KCNH1: variants seen among roughly 807,000 people sequenced by gnomAD.
KCNH1 encodes the protein potassium voltage-gated channel subfamily H member 1.
In KCNH1, 27 loss-of-function variants were observed where a neutral mutation model predicts 69.2. That is an observed-to-expected ratio of 0.39 (90% CI 0.29 to 0.54). KCNH1 has a LOEUF of 0.54. KCNH1 is among the 20% of genes least tolerant of loss of function. The pLI is 0.68. For missense variants in KCNH1, 798 were observed against 1,261.6 expected (o/e 0.63, Z 5.57); for synonymous variants, 456 against 487.7 (o/e 0.93, Z 0.86).
At chr1:210,788,232 G>A (rs1684138748) in intron 9 of KCNH1, among the ~76,000 whole-genome samples, 1 of 152,172 alleles carries the variant, frequency 6.6e-6, no homozygotes, top group Non-Finnish European at 1.5e-5. Flanking sequence ...CTACTGTCCA[G>A]AAAACTTCAG....
Position 211,055,819 on chromosome 1 carries a change from G to A in KCNH1, c.558+26961C>T, listed in dbSNP as rs78544316. 7.3e-3 allele frequency among the ~76,000 whole-genome samples: 1,115 copies of A among 152,290 alleles called. 5 individuals carry two copies. Among genetic ancestry groups the A allele is most frequent in the African/African-American group, 0.024 (1,005 of 41,556 alleles). On this transcript the variant is annotated intron_variant, in intron 5 of 10. Coordinates refer to ENST00000271751, the MANE Select transcript of KCNH1 (RefSeq NM_172362.3). ...TTCTAGACACACCATGGGCCAGAAG[G>A]GAACCTGATGCCTTGAACAAAAAGA...
chr1:211,106,749 C>G (rs1691355450), intron 2 of KCNH1, among the ~76,000 whole-genome samples: 1 of 152,052 alleles, frequency 6.6e-6, no homozygotes, highest in Non-Finnish European at 1.5e-5. Flanking sequence ...GAGCCAAGAT[C>G]ATGTCACTGT....
chr1:210,960,804 T>C (rs1688278002), intron 6 of KCNH1, among the ~76,000 whole-genome samples: 2 of 152,206 alleles, frequency 1.3e-5, no homozygotes, highest in African/African-American at 4.8e-5. Flanking sequence ...TAGGTATATA[T>C]TTGATTTTTA....
At chr1:210,807,295 A>G (rs1360652031) in intron 7 of KCNH1, among the ~76,000 whole-genome samples, 1 of 152,008 alleles carries the variant, frequency 6.6e-6, no homozygotes, top group African/African-American at 2.4e-5. Context: ...CCTTTATTAT[A>G]ATTATGTCAT....
chr1:211,107,877 G>A (rs1380653704), intron 1 of KCNH1, among the ~76,000 whole-genome samples: 4 of 152,188 alleles, frequency 2.6e-5, no homozygotes, highest in African/African-American at 9.7e-5. Flanking sequence ...CAGAAAGGAG[G>A]CTAAACACTT....
chr1:211,013,296 C>T (rs908796078), intron 6 of KCNH1, among the ~76,000 whole-genome samples: 1 of 152,138 alleles, frequency 6.6e-6, no homozygotes, highest in African/African-American at 2.4e-5. Flanking sequence ...GGCCATTCAC[C>T]CAGGAGAGAT....
At chr1:210,931,607 C>T (rs370994258) in intron 6 of KCNH1, among the ~76,000 whole-genome samples, 1 of 151,942 alleles carries the variant, frequency 6.6e-6, no homozygotes, top group African/African-American at 2.4e-5. Flanking sequence ...TCAGAAATCA[C>T]CACTAAATAA....
intron 10 of KCNH1, among the ~76,000 whole-genome samples, chr1:210,692,052 C>T (rs559723220): frequency 6.6e-6 from 1 of 152,340 alleles, no homozygotes; most frequent in Non-Finnish European, 1.5e-5. Context: ...GGACCTGGTC[C>T]ACTGGCTCTC....
At chr1:210,753,161 T>G (rs1189574206) in intron 10 of KCNH1, among the ~76,000 whole-genome samples, 1 of 152,136 alleles carries the variant, frequency 6.6e-6, no homozygotes, top group African/African-American at 2.4e-5. Context: ...GCCACCAAAT[T>G]TATGATAATC....
intron 10 of KCNH1, among the ~76,000 whole-genome samples, chr1:210,739,995 A>C (rs1386061457): frequency 1.3e-5 from 2 of 152,218 alleles, no homozygotes; most frequent in Non-Finnish European, 2.9e-5. Context: ...CAGAAGCACA[A>C]ACAACAAAAG....
In KCNH1 at chr1:210,947,866, A is replaced by G. The variant is rs553600471; in HGVS notation, c.1033-27797T>C. Among the ~76,000 whole-genome samples, 245 of 152,230 alleles carry G rather than the reference A, an allele frequency of 1.6e-3. 1 individual carries two copies. The highest frequency in any genetic ancestry group is 6.6e-3 in the South Asian group (32 of 4,826). On this transcript the variant is annotated intron_variant, in intron 6 of 10. Coordinates refer to ENST00000271751, the MANE Select transcript of KCNH1 (RefSeq NM_172362.3). ...ATCACTTAATCACTATGAAAGTTCC[A>G]TGGAATGAGAACACTCCATCTTATC...
At chr1:210,878,801 T>A (rs1686434221) in intron 7 of KCNH1, among the ~76,000 whole-genome samples, 1 of 151,894 alleles carries the variant, frequency 6.6e-6, no homozygotes, top group South Asian at 2.1e-4. Context: ...CAGAAATCAA[T>A]AAAATTTAAA....
At chr1:210,881,902 GCA>G (rs1686502327) in intron 7 of KCNH1, among the ~76,000 whole-genome samples, 1 of 152,166 alleles carries the variant, frequency 6.6e-6, no homozygotes. Context: ...AATAGGCAGA[GCA>G]CAGATTTTTA....
intron 10 of KCNH1, among the ~76,000 whole-genome samples, chr1:210,716,431 C>CAAAAAAAAAAAAAAAAAA (rs58725705): frequency 3.3e-5 from 3 of 91,976 alleles, no homozygotes; most frequent in African/African-American, 9.6e-5. Flanking sequence ...GACTCCGTCT[C>CAAAAAAAAAAAAAAAAAA]AAAAAAAAAA....
intron 6 of KCNH1, among the ~76,000 whole-genome samples, chr1:211,011,963 C>G (rs1050664431): frequency 2.0e-5 from 3 of 152,206 alleles, no homozygotes; most frequent in Admixed American, 6.5e-5. Flanking sequence ...TCACTGAAAA[C>G]AGACTCAGCC....
chr1:210,693,119 C>T (rs893572215), intron 10 of KCNH1, among the ~76,000 whole-genome samples: 6 of 152,198 alleles, frequency 3.9e-5, no homozygotes, highest in African/African-American at 1.4e-4. Flanking sequence ...CCACACCCGC[C>T]GTGTGCTGGT....
In KCNH1 at chr1:210,709,730, G is replaced by A. The variant is rs74903632; in HGVS notation, c.2113-25592C>T. Among the ~76,000 whole-genome samples the A allele has an allele frequency of 5.9e-3, 795 of 135,696 alleles. 11 individuals carry two copies. Among genetic ancestry groups the A allele is most frequent in the African/African-American group, 0.018 (702 of 39,410 alleles). 89.0% of individuals were successfully genotyped at this position (135,696 alleles called of 152,430 possible). On this transcript the variant is annotated intron_variant, in intron 10 of 10. Transcript: ENST00000271751. ...AAGAGAAAGAAAGAAAGAAGAGAGA[G>A]AGAGAGAGAGAAAGAGAGAGAGAGA...
At chr1:210,912,359 T>C (rs940772353) in intron 7 of KCNH1, among the ~76,000 whole-genome samples, 10 of 152,164 alleles carry the variant, frequency 6.6e-5, no homozygotes, top group Non-Finnish European at 1.2e-4. Context: ...CTTCCTACTT[T>C]AGGGCTTCCC....
chr1:210,753,508 T>C (rs1558455325), intron 10 of KCNH1, among the ~76,000 whole-genome samples: 1 of 152,208 alleles, frequency 6.6e-6, no homozygotes, highest in East Asian at 1.9e-4. Flanking sequence ...GGGTCTGTCC[T>C]GGACACTTGT....
Sources: gnomAD v4.1 joint callset for allele counts (sites outside exome capture counted in the v4.1 genomes callset) on GRCh38, gnomAD v4.1.1 for gene constraint, MANE v1.5 for transcripts, NCBI Gene and HGNC (gene_info 2026-07-23, HGNC 2026-07-21) for gene names.